The following ELAVL2 variants were observed in gnomAD, a reference collection of about 807,000 sequenced individuals.
ELAVL2 encodes the protein ELAV-like protein 2.
A neutral mutation model predicts 34.6 loss-of-function variants in ELAVL2; 4 were observed. That is an observed-to-expected ratio of 0.12 (90% confidence interval 0.06 to 0.26). The LOEUF (loss-of-function observed/expected upper bound fraction) is 0.26, where lower values mean the gene tolerates loss of function less well. ELAVL2 is among the 10% of genes least tolerant of loss of function. ELAVL2 has a pLI of 1.00. For synonymous variants in ELAVL2, 193 were observed against 154.8 expected, an observed-to-expected ratio of 1.25 and a Z score of -1.83; for missense variants, 432 against 442.8, an observed-to-expected ratio of 0.98 and a Z score of 0.22.
At chr9:23,814,426 G>A (rs979850257) in intron 1 of ELAVL2, among the ~76,000 whole-genome samples, 9 of 152,124 alleles carry the variant, frequency 5.9e-5, no homozygotes, top group African/African-American at 1.7e-4. Flanking sequence ...AAGTACAGAC[G>A]CATCCCAAAG....
intron 2 of ELAVL2, among the ~76,000 whole-genome samples, chr9:23,732,475 A>G (rs2134616065): frequency 6.6e-6 from 1 of 152,356 alleles, no homozygotes; most frequent in Non-Finnish European, 1.5e-5. Context: ...GGTTAATTTC[A>G]TCTCACACTA....
intron 1 of ELAVL2, among the ~76,000 whole-genome samples, chr9:23,773,860 G>A (rs1440327555): frequency 1.3e-5 from 2 of 151,926 alleles, no homozygotes; most frequent in Non-Finnish European, 2.9e-5. Flanking sequence ...GTGAACAGAG[G>A]GTATTATCAT....
At chr9:23,801,958 C>T (rs896129282) in intron 1 of ELAVL2, among the ~76,000 whole-genome samples, 1 of 152,162 alleles carries the variant, frequency 6.6e-6, no homozygotes, top group African/African-American at 2.4e-5. Flanking sequence ...TCCTTACCCA[C>T]CTAATCTCAC....
At chr9:23,786,086 G>A (rs965499961) in intron 1 of ELAVL2, among the ~76,000 whole-genome samples, 11 of 152,088 alleles carry the variant, frequency 7.2e-5, no homozygotes, top group Non-Finnish European at 4.4e-5. Flanking sequence ...AAGGACATTT[G>A]AAACATTTGT....
intron 3 of ELAVL2, among the ~76,000 whole-genome samples, chr9:23,721,677 T>C (rs902870731): frequency 6.6e-6 from 1 of 152,286 alleles, no homozygotes; most frequent in Middle Eastern, 3.4e-3. Context: ...TATGGGATTT[T>C]AGACCAACCC....
chr9:23,729,847 A>G (rs1161785302), intron 3 of ELAVL2, among the ~76,000 whole-genome samples: 1 of 152,096 alleles, frequency 6.6e-6, no homozygotes, highest in Non-Finnish European at 1.5e-5. Flanking sequence ...GCAACTTTAA[A>G]GCACAAAAAT....
intron 3 of ELAVL2, among the ~76,000 whole-genome samples, chr9:23,720,618 G>A (rs563460440): frequency 6.5e-4 from 99 of 152,298 alleles, no homozygotes; most frequent in Non-Finnish European, 1.1e-3. Context: ...TTGTGTGTGA[G>A]AACGTGCATT....
chr9:23,803,144 T>C (rs2061774927), intron 1 of ELAVL2, among the ~76,000 whole-genome samples: 1 of 152,164 alleles, frequency 6.6e-6, no homozygotes, highest in African/African-American at 2.4e-5. Flanking sequence ...TTCAAAGGGA[T>C]GTTCCTCCAG....
intron 5 of ELAVL2, among the ~76,000 whole-genome samples, chr9:23,696,319 C>T (rs2132853517): frequency 6.6e-6 from 1 of 152,190 alleles, no homozygotes; most frequent in African/African-American, 2.4e-5. Context: ...ACATGGGCAC[C>T]ATTCACTCCA....
chr9:23,787,123 G>A, intron 1 of ELAVL2, among the ~76,000 whole-genome samples: 1 of 152,134 alleles, frequency 6.6e-6, no homozygotes, highest in East Asian at 1.9e-4. Flanking sequence ...TTTGGAAAAG[G>A]AAGACAACAT....
intron 3 of ELAVL2, among the ~76,000 whole-genome samples, chr9:23,719,185 T>C (rs907469000): frequency 1.3e-5 from 2 of 152,160 alleles, no homozygotes; most frequent in Admixed American, 6.6e-5. Context: ...AATCCCGTCC[T>C]GAGATATTTA....
chr9:23,722,104 G>A (rs1418380065), intron 3 of ELAVL2, among the ~76,000 whole-genome samples: 4 of 152,092 alleles, frequency 2.6e-5, no homozygotes, highest in East Asian at 3.9e-4. Context: ...TAGTACATGC[G>A]GGTGAGAACA....
chr9:23,746,543 A>C (rs1298101108), intron 2 of ELAVL2, among the ~76,000 whole-genome samples: 1 of 152,064 alleles, frequency 6.6e-6, no homozygotes. Flanking sequence ...AGTCATCATC[A>C]CCATCTTATC....
At chr9:23,790,004 G>C (rs1445644156) in intron 1 of ELAVL2, among the ~76,000 whole-genome samples, 5 of 151,718 alleles carry the variant, frequency 3.3e-5, no homozygotes, top group Non-Finnish European at 5.9e-5. Context: ...AGTTTTCAAA[G>C]GGCTATAAAT....
chr9:23,751,775 G>A (rs942563657), intron 2 of ELAVL2, among the ~76,000 whole-genome samples: 2 of 152,124 alleles, frequency 1.3e-5, no homozygotes, highest in South Asian at 4.1e-4. Context: ...GCTCACTTGA[G>A]AGCACCTTCA....
chr9:23,736,629 C>A (rs931800800), intron 2 of ELAVL2, among the ~76,000 whole-genome samples: 1 of 152,144 alleles, frequency 6.6e-6, no homozygotes, highest in African/African-American at 2.4e-5. Flanking sequence ...TCTGCCACAC[C>A]CGCATCACGT....
At chr9:23,695,171 C>A (rs2034697399) in intron 5 of ELAVL2, among the ~76,000 whole-genome samples, 1 of 152,138 alleles carries the variant, frequency 6.6e-6, no homozygotes, top group African/African-American at 2.4e-5. Context: ...AAGACAAACA[C>A]ATATTAGCAC....
At chr9:23,772,314 G>A (rs1256068514) in intron 1 of ELAVL2, among the ~76,000 whole-genome samples, 5 of 152,006 alleles carry the variant, frequency 3.3e-5, no homozygotes, top group African/African-American at 9.7e-5. Flanking sequence ...ACTCTGTCAT[G>A]TACAAACTCC....
chr9:23,704,811 A>C (rs1156897201), intron 4 of ELAVL2, 107 bp downstream of exon 4: 4 of 1,407,928 alleles, frequency 2.8e-6, no homozygotes, highest in Non-Finnish European at 1.9e-6. Context: ...GCCCACATAT[A>C]CCTTTGATAT....
Sources: allele counts gnomAD v4.1 joint callset (sites outside exome capture counted in the v4.1 genomes callset), GRCh38; gene constraint gnomAD v4.1.1; transcripts MANE v1.5; gene names NCBI Gene and HGNC (gene_info 2026-07-23, HGNC 2026-07-21).